SPAG16: variants seen among roughly 807,000 people sequenced by gnomAD.
The protein encoded by SPAG16 is sperm-associated antigen 16 protein.
Under a neutral mutation model 80.4 loss-of-function variants are expected in SPAG16, and 86 were observed. That is an observed-to-expected ratio of 1.07 (90% confidence interval 0.90 to 1.28). SPAG16 has a LOEUF of 1.28. Ranked by LOEUF, SPAG16 falls within the 50% of genes most tolerant of loss-of-function variation. The pLI is 0.00. For synonymous variants in SPAG16, 294 were observed against 265.9 expected (o/e 1.11, Z -1.03); for missense variants, 870 against 765.3 (o/e 1.14, Z -1.61).
intron 15 of SPAG16, among the ~76,000 whole-genome samples, chr2:214,370,062 C>T (rs1310770334): frequency 6.6e-6 from 1 of 152,076 alleles, no homozygotes; most frequent in Non-Finnish European, 1.5e-5. Flanking sequence ...TGCAGTTTCC[C>T]ACAATATTGC....
intron 15 of SPAG16, among the ~76,000 whole-genome samples, chr2:214,175,677 T>A (rs1022874699): frequency 6.6e-6 from 1 of 151,470 alleles, no homozygotes; most frequent in Non-Finnish European, 1.5e-5. Context: ...TATATATGCT[T>A]TTAAAAAATC....
chr2:213,367,692 T>G (rs2066390584), intron 8 of SPAG16, among the ~76,000 whole-genome samples: 1 of 151,572 alleles, frequency 6.6e-6, no homozygotes, highest in African/African-American at 2.4e-5. Flanking sequence ...TATTAGCCCT[T>G]TGTCAGATGA....
chr2:213,943,313 A>G (rs2079291936), intron 12 of SPAG16, among the ~76,000 whole-genome samples: 1 of 152,168 alleles, frequency 6.6e-6, no homozygotes, highest in South Asian at 2.1e-4. Context: ...AGAATATAAT[A>G]CTGCTATGAG....
chr2:214,123,086 A>G (rs2112014), intron 14 of SPAG16, among the ~76,000 whole-genome samples: 69,301 of 151,598 alleles, frequency 0.46, 16,251 homozygotes, highest in Admixed American at 0.54. Flanking sequence ...TAAAAAAGTA[A>G]AGCAAAAGAA....
chr2:213,698,290 C>G (rs1285516705), intron 10 of SPAG16, among the ~76,000 whole-genome samples: 1 of 152,008 alleles, frequency 6.6e-6, no homozygotes, highest in African/African-American at 2.4e-5. Flanking sequence ...GAGACAGGGT[C>G]TCCCTCTATT....
chr2:214,368,795 A>G (rs1046375463), intron 15 of SPAG16, among the ~76,000 whole-genome samples: 19 of 152,108 alleles, frequency 1.2e-4, no homozygotes, highest in South Asian at 1.0e-3. Context: ...ACATAATCAC[A>G]CCATGGACCT....
intron 13 of SPAG16, among the ~76,000 whole-genome samples, chr2:214,017,612 A>T (rs577587607): frequency 2.0e-5 from 3 of 152,128 alleles, no homozygotes; most frequent in Non-Finnish European, 2.9e-5. Context: ...CTGTTTATTG[A>T]TGGTGACCTT....
At chr2:213,935,303 C>T (rs2078942672) in intron 12 of SPAG16, among the ~76,000 whole-genome samples, 1 of 151,920 alleles carries the variant, frequency 6.6e-6, no homozygotes, top group Non-Finnish European at 1.5e-5. Flanking sequence ...CTATAGGCAC[C>T]CATGAATACT....
At chr2:213,769,570 T>G (rs1280637171) in intron 10 of SPAG16, among the ~76,000 whole-genome samples, 1 of 152,196 alleles carries the variant, frequency 6.6e-6, no homozygotes, top group Non-Finnish European at 1.5e-5. Flanking sequence ...ACTAGTTACC[T>G]GGCATGCTTT....
chr2:213,458,733 C>A (rs1293107396), intron 9 of SPAG16, among the ~76,000 whole-genome samples: 2 of 152,158 alleles, frequency 1.3e-5, no homozygotes, highest in Non-Finnish European at 2.9e-5. Flanking sequence ...AGATACTGTT[C>A]CATCATCTTC....
chr2:213,639,845 T>G (rs2062519047), intron 10 of SPAG16, among the ~76,000 whole-genome samples: 1 of 152,198 alleles, frequency 6.6e-6, no homozygotes, highest in South Asian at 2.1e-4. Flanking sequence ...TTTCCAAACT[T>G]TTAGATTTCT....
At chr2:214,227,789 C>T (rs573942260) in intron 15 of SPAG16, among the ~76,000 whole-genome samples, 33 of 148,808 alleles carry the variant, frequency 2.2e-4, no homozygotes, top group Admixed American at 8.8e-4. Flanking sequence ...ATTTTCTTCC[C>T]CTTAGACAAA....
chr2:214,160,011 T>A (rs1163224696), intron 15 of SPAG16, among the ~76,000 whole-genome samples: 1 of 151,938 alleles, frequency 6.6e-6, no homozygotes, highest in East Asian at 1.9e-4. Flanking sequence ...TAGGATTCAG[T>A]GTTAAAGAGA....
intron 7 of SPAG16, among the ~76,000 whole-genome samples, chr2:213,358,393 C>T (rs1239600761): frequency 6.6e-6 from 1 of 152,164 alleles, no homozygotes; most frequent in Non-Finnish European, 1.5e-5. Context: ...TTCAGGTACA[C>T]CAATCAAATG....
chr2:214,131,308 T>C (rs1013744560), intron 14 of SPAG16, among the ~76,000 whole-genome samples: 1 of 151,470 alleles, frequency 6.6e-6, no homozygotes, highest in Non-Finnish European at 1.5e-5. Context: ...AGTTTGAGAT[T>C]ACAGTGAGCT....
chr2:213,917,049 A>C (rs2078004380), intron 11 of SPAG16, among the ~76,000 whole-genome samples: 3 of 152,100 alleles, frequency 2.0e-5, no homozygotes, highest in Non-Finnish European at 4.4e-5. Flanking sequence ...TACTTTCCCC[A>C]TTGCTTGTTT....
intron 10 of SPAG16, among the ~76,000 whole-genome samples, chr2:213,754,402 T>C (rs913262936): frequency 1.3e-5 from 2 of 152,202 alleles, no homozygotes; most frequent in Non-Finnish European, 2.9e-5. Context: ...GATTTGCTCA[T>C]TTTTATTTAT....
intron 10 of SPAG16, among the ~76,000 whole-genome samples, chr2:213,517,109 G>A (rs1207970240): frequency 6.6e-6 from 1 of 152,006 alleles, no homozygotes; most frequent in African/African-American, 2.4e-5. Flanking sequence ...GTAATTTTAG[G>A]AAGATTTCAG....
intron 14 of SPAG16, among the ~76,000 whole-genome samples, chr2:214,108,854 G>T (rs1323177832): frequency 1.4e-4 from 22 of 152,158 alleles, no homozygotes; most frequent in Admixed American, 1.3e-3. Flanking sequence ...GTGTAAGGAT[G>T]ATTTCACAAA....
Sources: allele counts gnomAD v4.1 joint callset (sites outside exome capture counted in the v4.1 genomes callset), GRCh38; gene constraint gnomAD v4.1.1; transcripts MANE v1.5; gene names NCBI Gene and HGNC (gene_info 2026-07-23, HGNC 2026-07-21).